Variants in VPS13D observed in about 807,000 individuals in gnomAD.
The protein encoded by VPS13D is vacuolar protein sorting 13 homolog D, also known as intermembrane lipid transfer protein VPS13D.
A neutral mutation model predicts 461.9 loss-of-function variants in VPS13D; 187 were observed. That is an observed-to-expected ratio of 0.40 (90% confidence interval 0.36 to 0.46). VPS13D has a LOEUF of 0.46. Ranked by LOEUF, VPS13D falls within the 20% of genes least tolerant of loss-of-function variation. The probability of loss-of-function intolerance (pLI) is 0.60; values close to 1 mark genes in which losing one functional copy is unlikely to be tolerated. For missense variants in VPS13D, 4,711 were observed against 5,364.9 expected, an observed-to-expected ratio of 0.88 and a Z score of 3.81; for synonymous variants, 1,951 against 1,986.3, an observed-to-expected ratio of 0.98 and a Z score of 0.47.
chr1:12,421,257 C>T (rs907043336), intron 65 of VPS13D, among the ~76,000 whole-genome samples: 1 of 152,198 alleles, frequency 6.6e-6, no homozygotes, highest in Non-Finnish European at 1.5e-5. Context: ...GACTCTAGCC[C>T]TTAGCGGAAC....
At chr1:12,270,770 C>T (rs1641416744) in intron 16 of VPS13D, among the ~76,000 whole-genome samples, 1 of 152,078 alleles carries the variant, frequency 6.6e-6, no homozygotes, top group African/African-American at 2.4e-5. Context: ...GGCTAGAGTG[C>T]AGTGGCGTGA....
At chr1:12,272,617 A>G (rs901243858) in intron 17 of VPS13D, among the ~76,000 whole-genome samples, 3 of 152,172 alleles carry the variant, frequency 2.0e-5, no homozygotes, top group African/African-American at 7.2e-5. Flanking sequence ...TCTCACTAAG[A>G]TATTTTGGCA....
chr1:12,323,608 C>A, intron 34 of VPS13D, 98 bp from the exon 35 acceptor site: 1 of 1,206,724 alleles, frequency 8.3e-7, no homozygotes, highest in Non-Finnish European at 1.2e-6. Context: ...ATGTTTTAGT[C>A]ACGGGTTTTT....
intron 65 of VPS13D, among the ~76,000 whole-genome samples, chr1:12,450,744 T>C (rs562274453): frequency 6.6e-6 from 1 of 152,376 alleles, no homozygotes; most frequent in Admixed American, 6.5e-5. Flanking sequence ...AAATTCATTT[T>C]TACTTAAAGC....
intron 50 of VPS13D, among the ~76,000 whole-genome samples, chr1:12,360,962 A>C (rs1643937911): frequency 1.3e-5 from 2 of 152,174 alleles, no homozygotes; most frequent in Admixed American, 1.3e-4. Context: ...CAGTCCTTGT[A>C]TATGTCGCAT....
intron 65 of VPS13D, among the ~76,000 whole-genome samples, chr1:12,419,219 G>C (rs1644831795): frequency 1.3e-5 from 2 of 152,166 alleles, no homozygotes; most frequent in African/African-American, 4.8e-5. Flanking sequence ...ATTTATATAA[G>C]GGTATTGCTT....
chr1:12,274,936 T>G lies in VPS13D; in HGVS notation c.2237-889T>G, dbSNP rs369209691. Reference sequence around the variant, plus strand: ...CTGTCTCTATTAAAATACAAAAAATTGGCCAGGTGCGGTGGCTCACGCCTG... The same window carrying G: ...CTGTCTCTATTAAAATACAAAAAATGGGCCAGGTGCGGTGGCTCACGCCTG... On this transcript the variant is annotated intron_variant, in intron 18 of 69. Transcript: ENST00000620676. Among the ~76,000 whole-genome samples, 143 of 150,480 alleles carry G rather than the reference T, an allele frequency of 9.5e-4. 4 individuals are homozygous for G. The South Asian group carries it at 0.029, about 31-fold the overall frequency.
At chr1:12,250,795 G>A (rs1640712407) in intron 6 of VPS13D, among the ~76,000 whole-genome samples, 1 of 152,270 alleles carries the variant, frequency 6.6e-6, no homozygotes, top group South Asian at 2.1e-4. Flanking sequence ...CACACTGGCC[G>A]GTGGCCGAGT....
At chr1:12,462,716 A>C (rs1645428193) in intron 67 of VPS13D, among the ~76,000 whole-genome samples, 1 of 152,222 alleles carries the variant, frequency 6.6e-6, no homozygotes, top group Admixed American at 6.5e-5. Flanking sequence ...GGCATTCCAC[A>C]TAGTTTCTTC....
chr1:12,236,776 T>G (rs1011415138), intron 2 of VPS13D, among the ~76,000 whole-genome samples: 1 of 152,210 alleles, frequency 6.6e-6, no homozygotes, highest in Non-Finnish European at 1.5e-5. Flanking sequence ...GGGTATTGAT[T>G]TTTTTAGCTA....
At chr1:12,432,609 C>CTT (rs758179241) in intron 65 of VPS13D, among the ~76,000 whole-genome samples, 2 of 139,848 alleles carry the variant, frequency 1.4e-5, no homozygotes, top group African/African-American at 2.6e-5. Context: ...AATCCTTTCC[C>CTT]TTTTTTTTTT....
chr1:12,481,272 C>T (rs1294445716), intron 67 of VPS13D, among the ~76,000 whole-genome samples: 1 of 152,156 alleles, frequency 6.6e-6, no homozygotes, highest in Non-Finnish European at 1.5e-5. Context: ...CAGTACCCAA[C>T]GGGGCCAAGT....
intron 54 of VPS13D, 105 bp downstream of exon 54, chr1:12,369,807 T>A (rs1019186039): frequency 5.9e-6 from 6 of 1,015,642 alleles, no homozygotes; most frequent in Non-Finnish European, 8.5e-6. Flanking sequence ...CAAAGGAAGA[T>A]TCTTTCATTC....
chr1:12,255,421 GA>G (rs547070779), intron 7 of VPS13D, among the ~76,000 whole-genome samples: 92 of 152,254 alleles, frequency 6.0e-4, no homozygotes, highest in African/African-American at 2.2e-3. Context: ...TAAGAAAACA[GA>G]AAATTACAGG....
At chr1:12,392,018 A>G (rs1342942889) in intron 60 of VPS13D, among the ~76,000 whole-genome samples, 1 of 151,948 alleles carries the variant, frequency 6.6e-6, no homozygotes, top group Non-Finnish European at 1.5e-5. Flanking sequence ...GTGGTGCCAC[A>G]CTTGGCTGAT....
intron 41 of VPS13D, 23 bp downstream of exon 41, chr1:12,341,908 C>A: frequency 6.2e-7 from 1 of 1,609,476 alleles, no homozygotes. Flanking sequence ...TTTATATTAC[C>A]CCGAGTCATC....
intron 63 of VPS13D, among the ~76,000 whole-genome samples, chr1:12,410,422 T>C (rs770606807): frequency 3.3e-5 from 5 of 152,188 alleles, no homozygotes; most frequent in Non-Finnish European, 7.3e-5. Flanking sequence ...GGCATTATGC[T>C]TCTTACTCTA....
chr1:12,470,714 G>A (rs920061165), intron 67 of VPS13D, among the ~76,000 whole-genome samples: 5 of 152,094 alleles, frequency 3.3e-5, no homozygotes, highest in Non-Finnish European at 5.9e-5. Flanking sequence ...CCACTCTTAC[G>A]TGTTCATTAA....
rs79282181 is a variant in VPS13D, at chr1:12,277,831, G to A, written c.4243G>A (p.Asp1415Asn). Residue 1415 changes from aspartate to asparagine, a missense_variant, in exon 19 of 70, where the codon GAT becomes AAT. Around this residue, in one of 3 missense-constraint regions of VPS13D, gnomAD observed 4,411 missense variants for 4,937.8 expected, o/e 0.89. Coordinates refer to ENST00000620676, the MANE Select transcript of VPS13D (RefSeq NM_015378.4). ...CATCCAGAATTTTGTGGCGGGAGAT[G>A]ATGAATCCAGAAGTGACCGTCTGCA... is the stretch of plus-strand genomic sequence containing the variant. ...IFIQNFVAGDDESRSDRLQVE... is the reference protein window; with the variant it reads ...IFIQNFVAGDNESRSDRLQVE... 1,635 of 1,613,972 alleles carry A rather than the reference G, an allele frequency of 1.0e-3. 7 individuals carry two copies. In the East Asian group the frequency reaches 0.011, roughly 11 times the overall value.
Sources: gnomAD v4.1 joint callset for allele counts (sites outside exome capture counted in the v4.1 genomes callset) on GRCh38, gnomAD v4.1.1 for gene constraint, gnomAD v4.1.1 regional missense constraint, MANE v1.5 for transcripts, NCBI Gene and HGNC (gene_info 2026-07-23, HGNC 2026-07-21) for gene names.